Variants in TBC1D12 observed in about 807,000 individuals in gnomAD.
TBC1D12 encodes TBC1 domain family member 12.
TBC1D12 carries 56 observed loss-of-function variants against 86.7 expected under a neutral mutation model. The ratio of observed to expected loss-of-function variants is 0.65; its 90% confidence interval spans 0.52 to 0.81. TBC1D12 has a LOEUF of 0.81. TBC1D12 is among the 30% of genes least tolerant of loss of function. TBC1D12 has a pLI of 0.00. For missense variants in TBC1D12, 1,023 were observed against 1,038.8 expected (o/e 0.98, Z 0.21); for synonymous variants, 421 against 411.7 (o/e 1.02, Z -0.27).
chr10:94,431,399 A>G (rs2055212823), intron 1 of TBC1D12, among the ~76,000 whole-genome samples: 1 of 148,332 alleles, frequency 6.7e-6, no homozygotes, highest in African/African-American at 2.5e-5. Context: ...TGGGTGATAG[A>G]GCAAGACTCT....
At chr10:94,465,645 T>TAA (rs774961028) in intron 2 of TBC1D12, among the ~76,000 whole-genome samples, 46,808 of 130,662 alleles carry the variant, frequency 0.36, 8,726 homozygotes, top group East Asian at 0.7. Context: ...GACTCTTGCC[T>TAA]AAAAAAAAAA....
At chr10:94,529,171 A>G (rs1489995146) in intron 11 of TBC1D12, among the ~76,000 whole-genome samples, 3 of 151,948 alleles carry the variant, frequency 2.0e-5, no homozygotes, top group African/African-American at 4.8e-5. Context: ...ACTACACCCA[A>G]CTAATTTTTG....
At chr10:94,520,277 G>T (rs1265889291) in intron 9 of TBC1D12, among the ~76,000 whole-genome samples, 1 of 152,170 alleles carries the variant, frequency 6.6e-6, no homozygotes, top group Admixed American at 6.5e-5. Flanking sequence ...TGAGAGCCGG[G>T]TGCAGTGGCT....
At chr10:94,455,831 GC>G (rs769269756) in intron 2 of TBC1D12, among the ~76,000 whole-genome samples, 2 of 152,022 alleles carry the variant, frequency 1.3e-5, no homozygotes, top group Non-Finnish European at 2.9e-5. Context: ...GGTGGCATGC[GC>G]CTGTAGTCCC....
intron 2 of TBC1D12, among the ~76,000 whole-genome samples, chr10:94,468,333 G>A (rs1014220927): frequency 6.6e-6 from 1 of 152,118 alleles, no homozygotes; most frequent in Non-Finnish European, 1.5e-5. Context: ...CTTTCTGCCT[G>A]AATAATGTCC....
At chr10:94,514,907 CTT>C (rs1168629833) in intron 9 of TBC1D12, among the ~76,000 whole-genome samples, 2 of 127,328 alleles carry the variant, frequency 1.6e-5, no homozygotes, top group African/African-American at 3.0e-5. Flanking sequence ...TTTTTTTTTT[CTT>C]TTTTTTTTTT....
At position 94,515,496 on chromosome 10, in the gene TBC1D12, C is replaced by T. The variant is rs545878108; in HGVS notation, c.1761+3842C>T. On this transcript the variant is annotated intron_variant, in intron 9 of 12. Transcript: ENST00000225235. ...CCAAGTAGCTGGGATTACAGGCGCC[C>T]GCCACCATGCCCAGCTGATTTTTTG... Among the ~76,000 whole-genome samples, 17 of 151,750 alleles carry T rather than the reference C, an allele frequency of 1.1e-4. 1 individual carries two copies. Among genetic ancestry groups the T allele is most frequent in the South Asian group, 4.2e-4 (2 of 4,782 alleles).
chr10:94,466,818 C>A (rs1039172076), intron 2 of TBC1D12, among the ~76,000 whole-genome samples: 4 of 152,134 alleles, frequency 2.6e-5, no homozygotes, highest in Admixed American at 6.6e-5. Flanking sequence ...ACCAATTTTT[C>A]TATTAAAGTC....
chr10:94,493,238 C>A, intron 3 of TBC1D12, 127 bp from the exon 4 acceptor site: 1 of 716,054 alleles, frequency 1.4e-6, no homozygotes, highest in Non-Finnish European at 2.4e-6. Context: ...CAGCCTTTCA[C>A]TTCCTTAATG....
At chr10:94,431,552 A>G (rs2055216465) in intron 1 of TBC1D12, among the ~76,000 whole-genome samples, 1 of 152,244 alleles carries the variant, frequency 6.6e-6, no homozygotes, top group Admixed American at 6.5e-5. Flanking sequence ...TAACACCTTT[A>G]GCAACCCATT....
rs528326665 is a variant in TBC1D12 at position 94,444,733 on chromosome 10, CT to C, written c.1095+2730del. 5.0e-3 allele frequency among the ~76,000 whole-genome samples: 690 copies of C among 138,776 alleles called. 2 individuals carry two copies. The highest frequency in any genetic ancestry group is 0.014 in the African/African-American group (523 of 38,126). 91.0% of individuals were successfully genotyped at this position (138,776 alleles called of 152,430 possible). On this transcript the variant is annotated intron_variant, in intron 2 of 12. Transcript: ENST00000225235. ...TCGGAAAGCCAAGACCTCACATTCT[CT>C]TTTTTTTTTTTTTTTGAGACGGAGT... is the stretch of plus-strand genomic sequence containing the variant.
chr10:94,415,586 T>C (rs1429029855), intron 1 of TBC1D12, among the ~76,000 whole-genome samples: 1 of 152,042 alleles, frequency 6.6e-6, no homozygotes, highest in African/African-American at 2.4e-5. Context: ...ACAAAAAAAC[T>C]AGCTGGGCAT....
intron 3 of TBC1D12, among the ~76,000 whole-genome samples, chr10:94,480,950 G>A (rs1333613421): frequency 1.3e-5 from 2 of 151,654 alleles, no homozygotes; most frequent in Non-Finnish European, 2.9e-5. Flanking sequence ...TGTGATGGCA[G>A]GCATGAAAAC....
intron 1 of TBC1D12, among the ~76,000 whole-genome samples, chr10:94,431,199 G>C (rs2055210298): frequency 6.6e-6 from 1 of 152,088 alleles, no homozygotes; most frequent in Non-Finnish European, 1.5e-5. Flanking sequence ...TGGATCTCTT[G>C]AGGTCAGGAG....
intron 1 of TBC1D12, among the ~76,000 whole-genome samples, chr10:94,436,492 G>T (rs2055298963): frequency 2.0e-5 from 3 of 152,056 alleles, no homozygotes; most frequent in Admixed American, 6.6e-5. Context: ...AAAAAATCTT[G>T]TTGGGTTTCT....
intron 7 of TBC1D12, chr10:94,508,320 G>A (rs905539749): frequency 2.2e-4 from 34 of 151,664 alleles, no homozygotes; most frequent in Non-Finnish European, 2.9e-5. Context: ...ATCATATAGG[G>A]ATGGGGTCTC....
At chr10:94,520,482 C>T (rs1026688056) in intron 9 of TBC1D12, among the ~76,000 whole-genome samples, 34 of 151,634 alleles carry the variant, frequency 2.2e-4, no homozygotes, top group Middle Eastern at 3.4e-3. Context: ...ATCCGGGAGG[C>T]GGAGGTTGCA....
At chr10:94,408,339 G>T (rs1447842250) in intron 1 of TBC1D12, among the ~76,000 whole-genome samples, 2 of 152,046 alleles carry the variant, frequency 1.3e-5, no homozygotes, top group African/African-American at 4.8e-5. Flanking sequence ...CTCTGTAGTT[G>T]TTGACTTCTG....
intron 11 of TBC1D12, among the ~76,000 whole-genome samples, chr10:94,522,857 A>G (rs902910777): frequency 5.3e-5 from 8 of 152,144 alleles, no homozygotes; most frequent in African/African-American, 1.9e-4. Flanking sequence ...CAGCCTGACT[A>G]ACATGGTGAA....
Sources: allele counts gnomAD v4.1 joint callset (sites outside exome capture counted in the v4.1 genomes callset), GRCh38; gene constraint gnomAD v4.1.1; transcripts MANE v1.5; gene names NCBI Gene and HGNC (gene_info 2026-07-23, HGNC 2026-07-21).